The following SPIDR variants were observed in gnomAD, a reference collection of about 807,000 sequenced individuals.
SPIDR encodes the protein DNA repair-scaffolding protein.
In SPIDR, 93 loss-of-function variants were observed where a neutral mutation model predicts 104.6. The observed-to-expected ratio is 0.89, with a 90% CI of 0.75 to 1.06. SPIDR has a LOEUF of 1.06. Ranked by LOEUF, SPIDR falls within the 50% of genes least tolerant of loss-of-function variation. The pLI is 0.00. For synonymous variants in SPIDR, 431 were observed against 416.9 expected (o/e 1.03, Z -0.41); for missense variants, 1,154 against 1,111.2 (o/e 1.04, Z -0.55).
intron 7 of SPIDR, among the ~76,000 whole-genome samples, chr8:47,422,212 G>A (rs1198746665): frequency 6.6e-6 from 1 of 152,218 alleles, no homozygotes; most frequent in Non-Finnish European, 1.5e-5. Context: ...CAGAGGTGGA[G>A]TCTACAGAGG....
chr8:47,395,132 T>G (rs1554657484), intron 5 of SPIDR, among the ~76,000 whole-genome samples: 1 of 152,046 alleles, frequency 6.6e-6, no homozygotes, highest in African/African-American at 2.4e-5. Flanking sequence ...GTGGATCACT[T>G]GAGGTCAGGA....
intron 8 of SPIDR, among the ~76,000 whole-genome samples, chr8:47,471,914 T>C (rs537613150): frequency 5.9e-5 from 9 of 152,222 alleles, no homozygotes; most frequent in Non-Finnish European, 1.3e-4. Flanking sequence ...AGGGCAATAA[T>C]TCCTTTATTG....
chr8:47,394,281 G>A (rs1192106075), intron 5 of SPIDR, among the ~76,000 whole-genome samples: 1 of 152,004 alleles, frequency 6.6e-6, no homozygotes, highest in Non-Finnish European at 1.5e-5. Flanking sequence ...TCTCCTTGGA[G>A]CCCCAGCAGT....
chr8:47,605,091 G>A (rs193253939), intron 10 of SPIDR, among the ~76,000 whole-genome samples: 161 of 152,342 alleles, frequency 1.1e-3, no homozygotes, highest in African/African-American at 3.4e-3. Flanking sequence ...AAACAATAGA[G>A]ACAAAGGAAA....
chr8:47,545,092 TTTCTTTCTTTCTTTCTTTCTTTCTTTC>T (rs1263154849), intron 8 of SPIDR, among the ~76,000 whole-genome samples: 2 of 134,212 alleles, frequency 1.5e-5, no homozygotes, highest in African/African-American at 5.7e-5. Context: ...TCTTTCTTTC[TTTCTTTCTTTCTTTCTTTCTTTCTTTC>T]TTTTTTTTTT....
chr8:47,670,027 A>T (rs1392150523), intron 10 of SPIDR, among the ~76,000 whole-genome samples: 1 of 152,042 alleles, frequency 6.6e-6, no homozygotes, highest in Non-Finnish European at 1.5e-5. Context: ...AAATAAAATA[A>T]CATTTAAAGC....
intron 6 of SPIDR, among the ~76,000 whole-genome samples, chr8:47,400,220 G>T (rs1332085975): frequency 6.6e-6 from 1 of 152,230 alleles, no homozygotes; most frequent in Non-Finnish European, 1.5e-5. Flanking sequence ...ACAACACAGT[G>T]CTGTTTAAGG....
chr8:47,408,248 C>T (rs2063026906), intron 7 of SPIDR, among the ~76,000 whole-genome samples: 1 of 151,976 alleles, frequency 6.6e-6, no homozygotes, highest in Admixed American at 6.6e-5. Context: ...AGCACTCTAC[C>T]CTCTTAGCAA....
At position 47,555,834 on chromosome 8, in the gene SPIDR, AC is replaced by A. The variant is rs372978173; in HGVS notation, c.1098-39975del. Among the ~76,000 whole-genome samples, 580 of 152,370 alleles carry A rather than the reference AC, an allele frequency of 3.8e-3. 3 individuals carry two copies. Among genetic ancestry groups the A allele is most frequent in the South Asian group, 0.022 (108 of 4,828 alleles). On this transcript the variant is annotated intron_variant, in intron 8 of 19. Transcript: ENST00000297423. The stretch of plus-strand genomic sequence containing the variant: ...GAAATCACAGTAGCATGGAAATAAT[AC>A]CACACTGTAATTTCCAGCAAAGAAA...
chr8:47,344,125 C>T (rs188468397), intron 5 of SPIDR, among the ~76,000 whole-genome samples: 1 of 141,228 alleles, frequency 7.1e-6, no homozygotes, highest in Non-Finnish European at 1.5e-5. Context: ...CCCCTCCCCC[C>T]ACCCCACGAC....
At chr8:47,642,260 A>G (rs1352865414) in intron 10 of SPIDR, among the ~76,000 whole-genome samples, 1 of 152,026 alleles carries the variant, frequency 6.6e-6, no homozygotes, top group Non-Finnish European at 1.5e-5. Context: ...AACTAAAAAT[A>G]CAAAAGTTAG....
chr8:47,595,875 G>T lies in SPIDR; in HGVS notation c.1162G>T (p.Val388Phe), dbSNP rs763309632. Reference sequence around the variant, plus strand: ...TCTGAATACTTACTTTTGTGAGAAAGTTGTTGCCAAAGAAGATTCAGAAAA... The same window carrying T: ...TCTGAATACTTACTTTTGTGAGAAATTTGTTGCCAAAGAAGATTCAGAAAA... ...VILNTYFCEK[V>F]VAKEDSEKTC... Residue 388 changes from valine to phenylalanine, a missense_variant, in exon 9 of 20, where the codon GTT (valine) becomes TTT (phenylalanine). By Grantham distance (50) the Val-to-Phe change is conservative. Transcript: ENST00000297423. The T allele has an allele frequency of 6.2e-7, 1 of 1,614,076 alleles. No homozygotes were observed. Among genetic ancestry groups the T allele is most frequent in the Non-Finnish European group, 8.5e-7 (1 of 1,180,024 alleles).
chr8:47,341,986 C>T (rs1347858209), intron 5 of SPIDR, among the ~76,000 whole-genome samples: 7 of 152,136 alleles, frequency 4.6e-5, no homozygotes, highest in African/African-American at 7.2e-5. Flanking sequence ...TGCCTTCTAT[C>T]GGGCTTTTTT....
intron 5 of SPIDR, among the ~76,000 whole-genome samples, chr8:47,304,574 A>G (rs899338990): frequency 8.5e-5 from 13 of 152,082 alleles, no homozygotes; most frequent in African/African-American, 2.7e-4. Context: ...TGCTTTCACC[A>G]TGTGAAGTGT....
chr8:47,449,204 G>A (rs1217709874), intron 8 of SPIDR, among the ~76,000 whole-genome samples: 7 of 152,174 alleles, frequency 4.6e-5, no homozygotes, highest in African/African-American at 1.7e-4. Flanking sequence ...AGTAAAGATA[G>A]GAAACAAGGA....
chr8:47,499,386 A>G (rs1358244083), intron 8 of SPIDR, among the ~76,000 whole-genome samples: 1 of 152,148 alleles, frequency 6.6e-6, no homozygotes, highest in Non-Finnish European at 1.5e-5. Flanking sequence ...TTCCTCTAAA[A>G]TATAGTTCCA....
chr8:47,685,964 C>T (rs2077756758), intron 11 of SPIDR, among the ~76,000 whole-genome samples: 1 of 152,096 alleles, frequency 6.6e-6, no homozygotes, highest in South Asian at 2.1e-4. Flanking sequence ...CAAGACCAGC[C>T]TCGGCAACAT....
At chr8:47,575,816 T>C (rs1261928780) in intron 8 of SPIDR, among the ~76,000 whole-genome samples, 1 of 147,050 alleles carries the variant, frequency 6.8e-6, no homozygotes, top group Non-Finnish European at 1.5e-5. Context: ...AAAAATTAGC[T>C]GGGCATGGTG....
chr8:47,407,921 G>T lies in SPIDR; in HGVS notation c.837G>T (p.Leu279Phe), dbSNP rs1554668418. 2 of 1,604,758 alleles carry T rather than the reference G, an allele frequency of 1.2e-6. No homozygotes were observed. Among genetic ancestry groups the T allele is most frequent in the Non-Finnish European group, 1.7e-6 (2 of 1,174,078 alleles). ...ATCGAGAGAGATCTGCTATTTCTTT[G>T]TGGAGACATCAATGTATTTCTTACC... ...LQNRERSAIS[L>F]WRHQCISYQK... The change falls in exon 7 of 20, where the codon TTG becomes TTT. Residue 279 changes from leucine (L) to phenylalanine (F), a missense_variant. By Grantham distance (22) the Leu-to-Phe change is conservative. Coordinates refer to ENST00000297423, the MANE Select transcript of SPIDR (RefSeq NM_001080394.4).
Sources: gnomAD v4.1 joint callset for allele counts (sites outside exome capture counted in the v4.1 genomes callset) on GRCh38, gnomAD v4.1.1 for gene constraint, MANE v1.5 for transcripts, NCBI Gene and HGNC (gene_info 2026-07-23, HGNC 2026-07-21) for gene names.